PRKAR1B: variants seen among roughly 807,000 people sequenced by gnomAD.
PRKAR1B encodes the protein protein kinase cAMP-dependent type I regulatory subunit beta, also known as cAMP-dependent protein kinase type I-beta regulatory subunit.
In PRKAR1B, 22 loss-of-function variants were observed where a neutral mutation model predicts 46.5. The observed-to-expected ratio is 0.47, with a 90% confidence interval of 0.34 to 0.68. The LOEUF (loss-of-function observed/expected upper bound fraction) is 0.68. Ranked by LOEUF, PRKAR1B falls within the 30% of genes least tolerant of loss-of-function variation. PRKAR1B has a pLI of 0.01. For synonymous variants in PRKAR1B, 259 were observed against 217.7 expected (o/e 1.19, Z -1.67); for missense variants, 445 against 535.6 (o/e 0.83, Z 1.67).
chr7:694,842 C>T (rs981370971), intron 2 of PRKAR1B, among the ~76,000 whole-genome samples: 3 of 152,114 alleles, frequency 2.0e-5, no homozygotes, highest in African/African-American at 4.8e-5. Context: ...TCGAGACCAG[C>T]CTGGCCAAAA....
At chr7:726,851 C>G in intron 1 of PRKAR1B, 1 of 1,319,036 alleles carries the variant, frequency 7.6e-7, no homozygotes, top group Non-Finnish European at 9.6e-7. Flanking sequence ...GACAGCAAGC[C>G]GGGCCGGCGG....
At chr7:680,061 G>C (rs1183496567) in intron 3 of PRKAR1B, among the ~76,000 whole-genome samples, 1 of 151,914 alleles carries the variant, frequency 6.6e-6, no homozygotes, top group Non-Finnish European at 1.5e-5. Flanking sequence ...GGGAGGCTGA[G>C]GCAGGAGAAT....
chr7:609,173 T>G (rs1244509808), intron 4 of PRKAR1B, among the ~76,000 whole-genome samples: 3 of 152,120 alleles, frequency 2.0e-5, no homozygotes, highest in Non-Finnish European at 4.4e-5. Context: ...GTGGGGACAT[T>G]TCCTGGCCAC....
chr7:663,920 A>G (rs527610730), intron 4 of PRKAR1B, among the ~76,000 whole-genome samples: 1 of 152,220 alleles, frequency 6.6e-6, no homozygotes, highest in African/African-American at 2.4e-5. Context: ...GCCTGGTCTC[A>G]GGAGGGCTGA....
intron 9 of PRKAR1B, among the ~76,000 whole-genome samples, chr7:553,954 G>A (rs971296546): frequency 2.0e-5 from 3 of 152,390 alleles, no homozygotes; most frequent in Middle Eastern, 3.4e-3. Flanking sequence ...CCGCCACTGT[G>A]GGCAGGGGGA....
rs200894141 is a variant in PRKAR1B at position 560,359 on chromosome 7, AAATAATAATAATAATAAT to A, written c.892-8907_892-8890del. Among the ~76,000 whole-genome samples the A allele has an allele frequency of 5.5e-5, 8 of 146,564 alleles. No homozygotes were observed. Among genetic ancestry groups the A allele is most frequent in the Admixed American group, 2.0e-4 (3 of 14,672 alleles). On this transcript the variant is annotated intron_variant, in intron 9 of 10. Coordinates refer to ENST00000537384, the MANE Select transcript of PRKAR1B (RefSeq NM_001164760.2). The surrounding 1 kb of genome is among the most constrained non-coding windows in gnomAD (Gnocchi z 4.2). ...TAGCAGTGTTAGAATGAACTAATAC[AAATAATAATAATAATAAT>A]AATAATAATAATAAATATATTTTAA...
intron 4 of PRKAR1B, among the ~76,000 whole-genome samples, chr7:655,608 C>A (rs1473493709): frequency 6.6e-6 from 1 of 152,162 alleles, no homozygotes; most frequent in East Asian, 1.9e-4. Flanking sequence ...ATTGTCTCTT[C>A]CATTAGAAAA....
At chr7:710,434 G>C (rs117187296) in intron 2 of PRKAR1B, among the ~76,000 whole-genome samples, 2,535 of 152,250 alleles carry the variant, frequency 0.017, 55 homozygotes, top group African/African-American at 0.047. Context: ...CACTTCCCAG[G>C]CACGCACGTC....
In PRKAR1B at chr7:626,241, C is replaced by T. The variant is rs764603861; in HGVS notation, c.441-18789G>A. ...GCACAGCAGCTCACACCTGTAATCC[C>T]AGCACTTTTAGAGGCTGAGGCAGGA... On this transcript the variant is annotated intron_variant, in intron 4 of 10. Transcript: ENST00000537384. 8.6e-4 allele frequency among the ~76,000 whole-genome samples: 131 copies of T among 152,314 alleles called. 2 individuals are homozygous for T. The highest frequency in any genetic ancestry group is 2.4e-4 in the Non-Finnish European group (16 of 68,022).
intron 6 of PRKAR1B, among the ~76,000 whole-genome samples, chr7:597,363 C>A (rs1446517348): frequency 6.6e-6 from 1 of 152,192 alleles, no homozygotes; most frequent in African/African-American, 2.4e-5. Flanking sequence ...GAGAACTGGT[C>A]GACCACGAAC....
chr7:561,203 C>G (rs768803885), intron 9 of PRKAR1B, among the ~76,000 whole-genome samples: 1 of 151,418 alleles, frequency 6.6e-6, no homozygotes, highest in Non-Finnish European at 1.5e-5. Flanking sequence ...ACACCCCACA[C>G]ACATGCACAC....
At chr7:608,648 C>T (rs1273760677) in intron 4 of PRKAR1B, among the ~76,000 whole-genome samples, 10 of 53,032 alleles carry the variant, frequency 1.9e-4, no homozygotes, top group Non-Finnish European at 2.3e-4. Flanking sequence ...CCACTGTCCT[C>T]CCACCTGGGG....
At chr7:655,064 T>C (rs1227731555) in intron 4 of PRKAR1B, among the ~76,000 whole-genome samples, 1 of 152,224 alleles carries the variant, frequency 6.6e-6, no homozygotes, top group Non-Finnish European at 1.5e-5. Flanking sequence ...ATCTCCTGCC[T>C]GGAATTAGCA....
At position 600,333 on chromosome 7, in the gene PRKAR1B, C is replaced by A. The variant is rs530560689; in HGVS notation, c.550-4029G>T. The stretch of plus-strand genomic sequence containing the variant: ...CAGCCTGGGCAACACAGCAAGACCC[C>A]GTCTCTATGAAAAACTTTAAAATTA... On this transcript the variant is annotated intron_variant, in intron 6 of 10. Transcript: ENST00000537384. Among the ~76,000 whole-genome samples, 136 of 152,098 alleles carry A rather than the reference C, an allele frequency of 8.9e-4. 1 individual carries two copies. Among genetic ancestry groups the A allele is most frequent in the Admixed American group, 2.9e-3 (44 of 15,274 alleles).
At position 677,236 on chromosome 7, in the gene PRKAR1B, CGTT is replaced by C. The variant is rs1778383957; in HGVS notation, c.430_432del (p.Asn144del). ...GGGGACGAGTCTGCCTACCTCCTCT[CGTT>C]GTCATCCAGGTGAGCGAAGAGCACG... On this transcript the variant is annotated inframe_deletion, in exon 4 of 11. Coordinates refer to ENST00000537384, the MANE Select transcript of PRKAR1B (RefSeq NM_001164760.2). The C allele has an allele frequency of 6.2e-7, 1 of 1,614,108 alleles. No individual in the cohort carries two copies. Among genetic ancestry groups the C allele is most frequent in the Non-Finnish European group, 8.5e-7 (1 of 1,180,038 alleles).
chr7:719,818 A>G (rs1243367776), intron 1 of PRKAR1B, among the ~76,000 whole-genome samples: 2 of 152,152 alleles, frequency 1.3e-5, no homozygotes, highest in African/African-American at 2.4e-5. Context: ...GAGATCAGTC[A>G]TCTGTTCCCC....
chr7:670,338 C>T (rs1342186849), intron 4 of PRKAR1B, among the ~76,000 whole-genome samples: 1 of 152,206 alleles, frequency 6.6e-6, no homozygotes, highest in Non-Finnish European at 1.5e-5. Flanking sequence ...GGCCAGGGGA[C>T]CAGTCCATGG....
At chr7:554,827 C>T (rs1030109859) in intron 9 of PRKAR1B, among the ~76,000 whole-genome samples, 3 of 151,708 alleles carry the variant, frequency 2.0e-5, no homozygotes, top group East Asian at 1.9e-4. Context: ...CCTGCAGAGC[C>T]GGAAGACAGG....
chr7:715,919 G>T (rs1424512732), intron 1 of PRKAR1B, among the ~76,000 whole-genome samples: 2 of 152,086 alleles, frequency 1.3e-5, no homozygotes, highest in Non-Finnish European at 2.9e-5. Context: ...GTTTCACCGT[G>T]TTAGCCAGGA....
Sources: allele counts gnomAD v4.1 joint callset (sites outside exome capture counted in the v4.1 genomes callset), GRCh38; gene constraint gnomAD v4.1.1; non-coding constraint Gnocchi (gnomAD v3.1); transcripts MANE v1.5; gene names NCBI Gene and HGNC (gene_info 2026-07-23, HGNC 2026-07-21).